OPCML: variants seen among roughly 807,000 people sequenced by gnomAD.
The protein encoded by OPCML is opioid-binding protein/cell adhesion molecule.
A neutral mutation model predicts 37.8 loss-of-function variants in OPCML; 13 were observed. The observed-to-expected ratio is 0.34, with a 90% CI of 0.22 to 0.55. The LOEUF is 0.55. OPCML is among the 20% of genes least tolerant of loss of function. The pLI is 0.91. For synonymous variants in OPCML, 176 were observed against 168.8 expected (o/e 1.04, Z -0.33); for missense variants, 341 against 435.6 (o/e 0.78, Z 1.93).
chr11:132,599,427 AGGT>A (rs1191916659), intron 3 of OPCML, among the ~76,000 whole-genome samples: 1 of 112,364 alleles, frequency 8.9e-6, no homozygotes, highest in Non-Finnish European at 1.9e-5. Flanking sequence ...AGGAGGAAGA[AGGT>A]GGAGGAGAAG....
intron 1 of OPCML, among the ~76,000 whole-genome samples, chr11:133,340,610 G>C (rs79147018): frequency 0.066 from 371 of 5,646 alleles, 1 homozygote; most frequent in African/African-American, 0.13. Flanking sequence ...GACTCTCTCT[G>C]TGTGTGTGTG....
chr11:132,576,115 T>TA (rs1224770556), intron 3 of OPCML, among the ~76,000 whole-genome samples: 2 of 152,142 alleles, frequency 1.3e-5, no homozygotes, highest in African/African-American at 4.8e-5. Flanking sequence ...AATTTGATTT[T>TA]AATGTTTATT....
In OPCML at chr11:132,570,755, GTATATATATATATATATATATATATA is replaced by G. The variant is rs71477765; in HGVS notation, c.380-41595_380-41570del. On this transcript the variant is annotated intron_variant, in intron 3 of 7. Transcript: ENST00000524381. ...CTCAGGGGAATAGGCAGGAAAGAGAGTATATATATATATATATATATATATATATATATATATATATATATATTTAG... is the reference window on the plus strand; with the variant it reads ...CTCAGGGGAATAGGCAGGAAAGAGAGTATATATATATATATATATATTTAG... Among the ~76,000 whole-genome samples, 282 of 30,120 alleles carry G rather than the reference GTATATATATATATATATATATATATA, an allele frequency of 9.4e-3. 12 individuals carry two copies. The highest frequency in any genetic ancestry group is 0.024 in the African/African-American group (215 of 8,864). The allele number at this position is 30,120 out of a possible 152,430, so 19.8% of individuals were successfully genotyped here. A position where few individuals can be genotyped will look rare whatever the true frequency, so the allele number is the denominator to read the frequency against.
chr11:132,458,348 C>A (rs993256308), intron 4 of OPCML, among the ~76,000 whole-genome samples: 3 of 152,138 alleles, frequency 2.0e-5, no homozygotes, highest in African/African-American at 4.8e-5. Flanking sequence ...TGAACACACC[C>A]CTGACTAGGA....
rs571920936 is a variant in OPCML at position 132,954,372 on chromosome 11, C to T, written c.62-11362G>A. Among the ~76,000 whole-genome samples, 678 of 151,970 alleles carry T rather than the reference C, an allele frequency of 4.5e-3. 2 individuals are homozygous for T. Among genetic ancestry groups the T allele is most frequent in the Non-Finnish European group, 7.7e-3 (522 of 67,976 alleles). On this transcript the variant is annotated intron_variant, in intron 1 of 7. Transcript: ENST00000524381. The stretch of plus-strand genomic sequence containing the variant: ...GAGGCCATTAAAATTAGATCGGGTT[C>T]TTGGAAAGCTGCTCAAAGGAAAAGA...
In OPCML at chr11:132,564,955, C is replaced by T. The variant is rs547862686; in HGVS notation, c.380-35769G>A. 3.3e-5 allele frequency among the ~76,000 whole-genome samples: 5 copies of T among 152,226 alleles called. No homozygotes were observed. In the South Asian group the frequency reaches 6.2e-4, roughly 19 times the overall value. On this transcript the variant is annotated intron_variant, in intron 3 of 7. Coordinates refer to ENST00000524381, the MANE Select transcript of OPCML (RefSeq NM_001012393.5). ...CATTATTGTGGAACTTCTGTTTCCC[C>T]ATCTGTAAAAAGGGAACAACAATGG...
chr11:133,371,535 T>C (rs1041119070), intron 1 of OPCML, among the ~76,000 whole-genome samples: 5 of 152,162 alleles, frequency 3.3e-5, no homozygotes, highest in Admixed American at 3.3e-4. Context: ...GCTGTTCTTG[T>C]GAGAGTGAGT....
chr11:133,105,040 T>C (rs915265891), intron 1 of OPCML, among the ~76,000 whole-genome samples: 1 of 152,224 alleles, frequency 6.6e-6, no homozygotes, highest in African/African-American at 2.4e-5. Flanking sequence ...GTTAGGCACA[T>C]TAAGAATTTG....
intron 2 of OPCML, among the ~76,000 whole-genome samples, chr11:132,711,811 A>C (rs1470288954): frequency 6.6e-6 from 1 of 152,222 alleles, no homozygotes; most frequent in Non-Finnish European, 1.5e-5. Flanking sequence ...ATATGTGTGT[A>C]CACAAGCACA....
At chr11:132,828,977 G>A (rs1192079622) in intron 2 of OPCML, among the ~76,000 whole-genome samples, 2 of 152,100 alleles carry the variant, frequency 1.3e-5, no homozygotes, top group African/African-American at 2.4e-5. Flanking sequence ...ATAGCAGTGT[G>A]GAGGAATAGA....
chr11:133,453,957 G>A (rs1299040009), intron 1 of OPCML, among the ~76,000 whole-genome samples: 1 of 152,144 alleles, frequency 6.6e-6, no homozygotes, highest in Non-Finnish European at 1.5e-5. Flanking sequence ...CAGAAATCTG[G>A]TGGAAAAAAT....
intron 2 of OPCML, among the ~76,000 whole-genome samples, chr11:132,819,360 A>G (rs1177032511): frequency 6.6e-6 from 1 of 152,068 alleles, no homozygotes; most frequent in Non-Finnish European, 1.5e-5. Context: ...TGGTTAAAAA[A>G]AAAAAAGGAG....
At chr11:133,149,546 A>G (rs1949946553) in intron 1 of OPCML, among the ~76,000 whole-genome samples, 1 of 152,254 alleles carries the variant, frequency 6.6e-6, no homozygotes. Flanking sequence ...GTCCCTGATA[A>G]GTCGGTTGCC....
At chr11:133,494,086 AGAC>A (rs896399651) in intron 1 of OPCML, among the ~76,000 whole-genome samples, 11 of 152,304 alleles carry the variant, frequency 7.2e-5, no homozygotes, top group African/African-American at 2.6e-4. Flanking sequence ...TCTCAAAAGA[AGAC>A]ATTTATGCAG....
Position 133,500,473 on chromosome 11 carries a change from T to G in OPCML, c.61+31791A>C, listed in dbSNP as rs141159481. Among the ~76,000 whole-genome samples, 8 of 152,344 alleles carry G rather than the reference T, an allele frequency of 5.3e-5. No homozygotes were observed. The East Asian group carries it at 1.4e-3, about 26-fold the overall frequency. ...ATACTCCAATGTCATTTCACTGACATAATGCCTTCTCCTGGCACTGCGTAT... is the reference window on the plus strand; with the variant it reads ...ATACTCCAATGTCATTTCACTGACAGAATGCCTTCTCCTGGCACTGCGTAT... On this transcript the variant is annotated intron_variant, in intron 1 of 7. Transcript: ENST00000524381.
chr11:133,097,629 A>G (rs1243768766), intron 1 of OPCML, among the ~76,000 whole-genome samples: 1 of 152,204 alleles, frequency 6.6e-6, no homozygotes, highest in African/African-American at 2.4e-5. Flanking sequence ...TAGCCAGAAT[A>G]ATTAAGAAAA....
Position 133,231,368 on chromosome 11 carries a change from C to T in OPCML, c.62-288358G>A, listed in dbSNP as rs140621944. On this transcript the variant is annotated intron_variant, in intron 1 of 7. Coordinates refer to ENST00000524381, the MANE Select transcript of OPCML (RefSeq NM_001012393.5). ...CAAATCCCTTCACATGTCATAACTGCTTAACCTTACTGACTTTCAATTCAA... is the reference window on the plus strand; with the variant it reads ...CAAATCCCTTCACATGTCATAACTGTTTAACCTTACTGACTTTCAATTCAA... 1.4e-3 allele frequency among the ~76,000 whole-genome samples: 217 copies of T among 152,272 alleles called. 5 individuals are homozygous for T. Among genetic ancestry groups the T allele is most frequent in the Middle Eastern group, 0.01 (3 of 294 alleles).
rs1344405952 is a variant in OPCML at position 132,952,406 on chromosome 11, T to C, written c.62-9396A>G. On this transcript the variant is annotated intron_variant, in intron 1 of 7. Transcript: ENST00000524381. ...CCTCTAAAAAACCCAAACCAATCCC[T>C]ATATGATAGCTGCTTGCACAATTAA... Among the ~76,000 whole-genome samples the C allele has an allele frequency of 3.3e-5, 5 of 152,168 alleles. No individual in the cohort carries two copies. In the East Asian group the frequency reaches 9.6e-4, roughly 29 times the overall value.
chr11:132,436,822 C>T (rs368064190), intron 5 of OPCML, 43 bp from the exon 6 acceptor site: 81 of 1,597,290 alleles, frequency 5.1e-5, no homozygotes, highest in Middle Eastern at 3.6e-4. Flanking sequence ...CATGCACGCA[C>T]GCACACACAG....
Sources: allele counts gnomAD v4.1 joint callset (sites outside exome capture counted in the v4.1 genomes callset), GRCh38; gene constraint gnomAD v4.1.1; transcripts MANE v1.5; gene names NCBI Gene and HGNC (gene_info 2026-07-23, HGNC 2026-07-21).